SSH2: variants seen among roughly 807,000 people sequenced by gnomAD.
The protein encoded by SSH2 is protein phosphatase Slingshot homolog 2.
A neutral mutation model predicts 135.2 loss-of-function variants in SSH2; 37 were observed. The ratio of observed to expected loss-of-function variants is 0.27; its 90% CI spans 0.21 to 0.36. SSH2 has a LOEUF of 0.36. Ranked by LOEUF, SSH2 falls within the 10% of genes least tolerant of loss-of-function variation. The pLI is 1.00. For synonymous variants in SSH2, 628 were observed against 646.2 expected, an observed-to-expected ratio of 0.97 and a Z score of 0.43; for missense variants, 1,408 against 1,765.3, an observed-to-expected ratio of 0.80 and a Z score of 3.63.
chr17:29,818,663 G>T (rs1268106857), intron 2 of SSH2, among the ~76,000 whole-genome samples: 1 of 152,164 alleles, frequency 6.6e-6, no homozygotes, highest in African/African-American at 2.4e-5. Flanking sequence ...CACCTGATAG[G>T]AAGCCCCCTC....
Position 29,632,298 on chromosome 17 carries a change from C to T in SSH2, c.2896G>A (p.Gly966Arg). The change falls in exon 16 of 16, where the codon GGG (glycine) becomes AGG (arginine). Residue 966 changes from glycine (G) to arginine (R), a missense_variant. Gly to Arg is a moderately radical substitution (Grantham distance 125, BLOSUM62 -2). Transcript: ENST00000540801. ...TGGGACAGTGAGCCAGCCTCAGACC[C>T]ACTGTATTTCCCTTTGCCTTTGCTC... ...EMSKGKGKYS[G>R]SEAGSLSHSE... 6.2e-7 allele frequency: 1 copy of T among 1,614,112 alleles called. No homozygotes were observed. Among genetic ancestry groups the T allele is most frequent in the Non-Finnish European group, 8.5e-7 (1 of 1,179,992 alleles).
At chr17:29,641,056 T>C (rs2036139985) in intron 14 of SSH2, among the ~76,000 whole-genome samples, 1 of 152,200 alleles carries the variant, frequency 6.6e-6, no homozygotes, top group Non-Finnish European at 1.5e-5. Context: ...ATTATAGGCA[T>C]GCGCCACCAT....
chr17:29,838,636 G>T (rs998831633), intron 2 of SSH2, among the ~76,000 whole-genome samples: 1 of 152,146 alleles, frequency 6.6e-6, no homozygotes, highest in Non-Finnish European at 1.5e-5. Flanking sequence ...GTAGAGAGGA[G>T]TTACCCTCTC....
chr17:29,708,589 CAAA>C (rs61012646), intron 3 of SSH2, among the ~76,000 whole-genome samples: 18 of 98,896 alleles, frequency 1.8e-4, no homozygotes, highest in Admixed American at 4.2e-4. Context: ...AACTCTGCTT[CAAA>C]AAAAAAAAAA....
intron 1 of SSH2, among the ~76,000 whole-genome samples, chr17:29,910,105 T>C (rs1324974153): frequency 1.1e-4 from 17 of 152,090 alleles, no homozygotes; most frequent in Admixed American, 9.2e-4. Flanking sequence ...GCCACCACAA[T>C]TGGTTAATTT....
chr17:29,717,979 A>G (rs575579660), intron 3 of SSH2, among the ~76,000 whole-genome samples: 4 of 152,374 alleles, frequency 2.6e-5, no homozygotes, highest in Non-Finnish European at 5.9e-5. Flanking sequence ...TTAGCCAACA[A>G]TGAGTGGTAG....
intron 1 of SSH2, among the ~76,000 whole-genome samples, chr17:29,895,039 C>G (rs1311970954): frequency 1.3e-5 from 2 of 151,432 alleles, no homozygotes; most frequent in African/African-American, 4.8e-5. Flanking sequence ...GACATAGACT[C>G]TCCACTCCAA....
intron 11 of SSH2, among the ~76,000 whole-genome samples, chr17:29,655,941 T>A (rs2036762409): frequency 6.6e-6 from 1 of 152,314 alleles, no homozygotes; most frequent in South Asian, 2.1e-4. Flanking sequence ...AATCTCCTAT[T>A]TTCCTCAACA....
At chr17:29,856,342 G>A (rs1374295193) in intron 1 of SSH2, 1 of 222,046 alleles carries the variant, frequency 4.5e-6, no homozygotes, top group Non-Finnish European at 8.9e-6. Flanking sequence ...AGATCTAAGA[G>A]TTGTCCAGCT....
intron 3 of SSH2, among the ~76,000 whole-genome samples, chr17:29,709,011 TATATAGAGAG>T (rs1021071956): frequency 6.2e-5 from 6 of 96,770 alleles, no homozygotes; most frequent in African/African-American, 2.0e-4. Context: ...TATATATATA[TATATAGAGAG>T]AGAGAGAGAG....
intron 1 of SSH2, 59 bp downstream of exon 1, chr17:29,929,879 G>A: frequency 6.7e-7 from 1 of 1,493,606 alleles, no homozygotes; most frequent in Non-Finnish European, 9.1e-7. Flanking sequence ...GGGACCCGCT[G>A]AGGCAAAGCG....
At chr17:29,700,541 C>T (rs1203982362) in intron 4 of SSH2, among the ~76,000 whole-genome samples, 2 of 152,156 alleles carry the variant, frequency 1.3e-5, no homozygotes, top group Non-Finnish European at 2.9e-5. Context: ...GTCTTATACT[C>T]ATTCCTATGT....
intron 3 of SSH2, among the ~76,000 whole-genome samples, chr17:29,726,591 T>C (rs553896425): frequency 5.1e-4 from 78 of 152,318 alleles, no homozygotes; most frequent in Middle Eastern, 3.4e-3. Flanking sequence ...AGAATATAGA[T>C]ACCATGGGGG....
At chr17:29,828,667 T>G (rs2042786048) in intron 2 of SSH2, among the ~76,000 whole-genome samples, 1 of 152,212 alleles carries the variant, frequency 6.6e-6, no homozygotes, top group Non-Finnish European at 1.5e-5. Context: ...TTAAATCCTT[T>G]GTGAAGCTAG....
At chr17:29,661,061 CAA>C (rs374216221) in intron 11 of SSH2, among the ~76,000 whole-genome samples, 12 of 48,352 alleles carry the variant, frequency 2.5e-4, no homozygotes, top group African/African-American at 5.4e-4. Context: ...AATTCCATCT[CAA>C]AAAAAAAAAA....
At chr17:29,756,276 A>C (rs1003061667) in intron 3 of SSH2, among the ~76,000 whole-genome samples, 1 of 151,696 alleles carries the variant, frequency 6.6e-6, no homozygotes, top group Non-Finnish European at 1.5e-5. Context: ...AAAAAAAAAA[A>C]AAAAGAGAGG....
At chr17:29,831,396 A>T (rs1017183620) in intron 2 of SSH2, among the ~76,000 whole-genome samples, 2 of 152,178 alleles carry the variant, frequency 1.3e-5, no homozygotes, top group Non-Finnish European at 2.9e-5. Context: ...CAAATACAGT[A>T]TTTCCTATAT....
chr17:29,756,254 ACT>A (rs1230330756), intron 3 of SSH2, among the ~76,000 whole-genome samples: 13 of 145,332 alleles, frequency 8.9e-5, no homozygotes, highest in Non-Finnish European at 1.8e-4. Flanking sequence ...CAAGAGCGAG[ACT>A]CTGTCTCAAA....
At chr17:29,699,219 T>C (rs1395904268) in intron 4 of SSH2, among the ~76,000 whole-genome samples, 4 of 152,244 alleles carry the variant, frequency 2.6e-5, no homozygotes, top group Non-Finnish European at 4.4e-5. Context: ...CTTTTCATTG[T>C]TTCCATTTAA....
Sources: gnomAD v4.1 joint callset for allele counts (sites outside exome capture counted in the v4.1 genomes callset) on GRCh38, gnomAD v4.1.1 for gene constraint, MANE v1.5 for transcripts, NCBI Gene and HGNC (gene_info 2026-07-23, HGNC 2026-07-21) for gene names.